Variants in PAQR3 observed in about 807,000 individuals in gnomAD.
The protein encoded by PAQR3 is progestin and adipoQ receptor family member 3.
A neutral mutation model predicts 41.7 loss-of-function variants in PAQR3; 39 were observed. The ratio of observed to expected loss-of-function variants is 0.93; its 90% CI spans 0.72 to 1.22. PAQR3 has a LOEUF of 1.22. Among genes scored for constraint, PAQR3 ranks in the 50% most tolerant of loss-of-function variants. PAQR3 has a pLI of 0.00. For missense variants in PAQR3, 366 were observed against 385.6 expected, an observed-to-expected ratio of 0.95 and a Z score of 0.42; for synonymous variants, 140 against 140.6, an observed-to-expected ratio of 1.00 and a Z score of 0.03.
chr4:78,893,109 A>T (rs1441433069), intron 11 of PAQR3, among the ~76,000 whole-genome samples: 6 of 152,234 alleles, frequency 3.9e-5, no homozygotes, highest in Non-Finnish European at 7.3e-5. Flanking sequence ...CCCTCAAACC[A>T]TACCATTGCT....
At chr4:78,890,267 A>G (rs769089592) in intron 11 of PAQR3, among the ~76,000 whole-genome samples, 2 of 152,066 alleles carry the variant, frequency 1.3e-5, no homozygotes, top group Non-Finnish European at 2.9e-5. Flanking sequence ...GCATTTTAAT[A>G]TATCATGCTA....
chr4:78,933,101 AGT>A (rs1737074109), intron 2 of PAQR3: 2 of 452,678 alleles, frequency 4.4e-6, no homozygotes, highest in East Asian at 7.0e-5. Context: ...GTGCTAAGAA[AGT>A]GTGTCTTGCT....
intron 11 of PAQR3, among the ~76,000 whole-genome samples, chr4:78,899,987 A>T (rs1393670910): frequency 6.6e-6 from 1 of 152,172 alleles, no homozygotes; most frequent in African/African-American, 2.4e-5. Context: ...GTTGATATAT[A>T]CAGTCGATCC....
rs1735433969 is a variant in PAQR3 at position 78,919,429 on chromosome 4, T to C, written c.*1110A>G. 6 of 984,356 alleles carry C rather than the reference T, an allele frequency of 6.1e-6. No homozygotes were observed. Among genetic ancestry groups the C allele is most frequent in the Non-Finnish European group, 7.2e-6 (6 of 829,206 alleles). 61.0% of individuals were successfully genotyped at this position (984,356 alleles called of 1,614,324 possible). A position where few individuals can be genotyped will look rare whatever the true frequency, so the allele number is the denominator to read the frequency against. Reference sequence around the variant, plus strand: ...AGTTCTATTTTTTAAGTATATACAATAAAAAGAAAGTTTAATGCTTCAGGC... The same window carrying C: ...AGTTCTATTTTTTAAGTATATACAACAAAAAGAAAGTTTAATGCTTCAGGC... On this transcript the variant is annotated 3_prime_UTR_variant, in exon 6 of 6. Coordinates refer to ENST00000512733, the MANE Select transcript of PAQR3 (RefSeq NM_001040202.2).
chr4:78,938,669 G>GC (rs1220862538), intron 1 of PAQR3, among the ~76,000 whole-genome samples: 1 of 151,994 alleles, frequency 6.6e-6, no homozygotes, highest in African/African-American at 2.4e-5. Flanking sequence ...CAAAGCTACT[G>GC]AATTCCCACA....
intron 2 of PAQR3, among the ~76,000 whole-genome samples, chr4:78,932,873 C>T (rs1413183493): frequency 6.6e-6 from 1 of 152,054 alleles, no homozygotes; most frequent in African/African-American, 2.4e-5. Context: ...GATAATCTGG[C>T]AAATTGGGTA....
intron 11 of PAQR3, among the ~76,000 whole-genome samples, chr4:78,902,011 A>G (rs1734032035): frequency 6.6e-6 from 1 of 152,184 alleles, no homozygotes; most frequent in African/African-American, 2.4e-5. Flanking sequence ...GTTGGAACAT[A>G]ACATTTACAG....
Position 78,918,009 on chromosome 4 carries a change from T to C in PAQR3, c.*2530A>G. ...GCAGCTTACTGAATTGCAGTTAGTGTAATAACAAAAAAAGACAAGCACTGT... is the reference window on the plus strand; with the variant it reads ...GCAGCTTACTGAATTGCAGTTAGTGCAATAACAAAAAAAGACAAGCACTGT... On this transcript the variant is annotated 3_prime_UTR_variant, in exon 6 of 6. Coordinates refer to ENST00000512733, the MANE Select transcript of PAQR3 (RefSeq NM_001040202.2). 3.1e-6 allele frequency: 3 copies of C among 982,328 alleles called. No homozygotes were observed. Among genetic ancestry groups the C allele is most frequent in the Non-Finnish European group, 3.6e-6 (3 of 826,782 alleles). 60.9% of individuals were successfully genotyped at this position (982,328 alleles called of 1,614,324 possible). A position where few individuals can be genotyped will look rare whatever the true frequency, so the allele number is the denominator to read the frequency against.
intron 3 of PAQR3, among the ~76,000 whole-genome samples, chr4:78,929,124 A>G (rs1328143201): frequency 1.3e-5 from 2 of 152,182 alleles, no homozygotes; most frequent in South Asian, 2.1e-4. Flanking sequence ...CCTGGTTCCT[A>G]ACAGGCCACG....
intron 2 of PAQR3, among the ~76,000 whole-genome samples, chr4:78,931,790 T>C (rs1358948150): frequency 6.6e-6 from 1 of 152,210 alleles, no homozygotes; most frequent in Admixed American, 6.5e-5. Flanking sequence ...GGTGTGCACA[T>C]ATTTATGGCT....
In PAQR3 at chr4:78,939,331, G is replaced by C; in HGVS notation, c.-107C>G. The C allele has an allele frequency of 1.9e-6, 2 of 1,077,220 alleles. No individual in the cohort carries two copies. Among genetic ancestry groups the C allele is most frequent in the Non-Finnish European group, 2.5e-6 (2 of 801,808 alleles). 66.7% of individuals were successfully genotyped at this position (1,077,220 alleles called of 1,614,324 possible). ...CCCCGCCCCGGAGCCCGCGGACGCT[G>C]CGCGAGGTCCTACCGCGCTGCCGCT... On this transcript the variant is annotated 5_prime_UTR_variant, in exon 1 of 6. Coordinates refer to ENST00000512733, the MANE Select transcript of PAQR3 (RefSeq NM_001040202.2).
downstream of PAQR3, chr4:78,911,411 G>A (rs532067029): frequency 1.8e-4 from 296 of 1,613,894 alleles, 1 homozygote; most frequent in South Asian, 3.1e-3. Context: ...GACCTTTTTG[G>A]GCTTGTGCCC....
intron 2 of PAQR3, among the ~76,000 whole-genome samples, chr4:78,932,384 T>C (rs114239007): frequency 0.026 from 4,027 of 152,186 alleles, 182 homozygotes; most frequent in African/African-American, 0.092. Flanking sequence ...ATATTTCTCA[T>C]TGATGGGGAA....
At chr4:78,931,392 G>C (rs1736880347) in intron 2 of PAQR3, among the ~76,000 whole-genome samples, 1 of 151,882 alleles carries the variant, frequency 6.6e-6, no homozygotes, top group Non-Finnish European at 1.5e-5. Context: ...GTGAGATCCT[G>C]TCTCAAAAAA....
In PAQR3 at chr4:78,926,650, A is replaced by G; in HGVS notation, c.573T>C (p.His191=). 1 of 1,614,112 alleles carries G rather than the reference A, an allele frequency of 6.2e-7. No individual in the cohort carries two copies. Among genetic ancestry groups the G allele is most frequent in the Non-Finnish European group, 8.5e-7 (1 of 1,179,976 alleles). ...MILAVFFAQI[H]PNYLTQQWQR... Reference sequence around the variant, plus strand: ...GCCATTGCTGCGTGAGGTAATTGGGATGAATCTGCGCAAAGAACACTGCCA... The same window carrying G: ...GCCATTGCTGCGTGAGGTAATTGGGGTGAATCTGCGCAAAGAACACTGCCA... The change falls in exon 4 of 6, where the codon CAT becomes CAC. Residue 191 remains histidine (H), a synonymous_variant. Transcript: ENST00000512733.
chr4:78,901,170 A>G (rs1733982260), intron 11 of PAQR3, among the ~76,000 whole-genome samples: 1 of 152,042 alleles, frequency 6.6e-6, no homozygotes, highest in African/African-American at 2.4e-5. Context: ...CAGCCTCCCA[A>G]GTAGCTGGGA....
chr4:78,923,071 TG>T, intron 5 of PAQR3: 1 of 430,130 alleles, frequency 2.3e-6, no homozygotes, highest in Non-Finnish European at 4.6e-6. Flanking sequence ...TTCCTAGTGC[TG>T]GGTGCCAGGA....
intron 1 of PAQR3, among the ~76,000 whole-genome samples, chr4:78,937,768 C>A (rs1388532646): frequency 6.6e-6 from 1 of 152,192 alleles, no homozygotes; most frequent in African/African-American, 2.4e-5. Context: ...AGCTCAAGAG[C>A]TAATGCTCTA....
downstream of PAQR3, chr4:78,910,935 AGAG>A: frequency 1.9e-6 from 3 of 1,613,834 alleles, no homozygotes; most frequent in Non-Finnish European, 2.5e-6. Context: ...ATGAGGAAGA[AGAG>A]GAGAAACATA....
Sources: gnomAD v4.1 joint callset for allele counts (sites outside exome capture counted in the v4.1 genomes callset) on GRCh38, gnomAD v4.1.1 for gene constraint, MANE v1.5 for transcripts, NCBI Gene and HGNC (gene_info 2026-07-23, HGNC 2026-07-21) for gene names.